The following KCNQ5 variants were observed in gnomAD, a reference collection of about 807,000 sequenced individuals.
KCNQ5 encodes potassium voltage-gated channel subfamily Q member 5.
A neutral mutation model predicts 98.2 loss-of-function variants in KCNQ5; 30 were observed. That is an observed-to-expected ratio of 0.31 (90% CI 0.23 to 0.41). The LOEUF (loss-of-function observed/expected upper bound fraction) is 0.41, where lower values mean the gene tolerates loss of function less well. KCNQ5 is among the 10% of genes least tolerant of loss of function. The pLI, the probability that KCNQ5 is intolerant of heterozygous loss-of-function variation, is 1.00. For missense variants in KCNQ5, 835 were observed against 1,182.5 expected (o/e 0.71, Z 4.31); for synonymous variants, 458 against 449.4 (o/e 1.02, Z -0.24).
chr6:73,190,870 A>AT (rs1765567539), intron 12 of KCNQ5, among the ~76,000 whole-genome samples, 166 bp downstream of exon 12: 2 of 152,206 alleles, frequency 1.3e-5, no homozygotes, highest in Admixed American at 1.3e-4. Flanking sequence ...TTTAACATAG[A>AT]TATAACTCAG....
chr6:72,962,389 C>A (rs953786262), intron 1 of KCNQ5, among the ~76,000 whole-genome samples: 5 of 151,400 alleles, frequency 3.3e-5, no homozygotes, highest in African/African-American at 4.9e-5. Context: ...ACCCACTGAG[C>A]ACAACATACA....
intron 1 of KCNQ5, among the ~76,000 whole-genome samples, chr6:72,804,715 T>G (rs1774863710): frequency 6.6e-6 from 1 of 152,202 alleles, no homozygotes; most frequent in African/African-American, 2.4e-5. Flanking sequence ...TAGCTCTATT[T>G]GTAGTTTTTT....
At chr6:72,988,188 T>C (rs572769125) in intron 1 of KCNQ5, among the ~76,000 whole-genome samples, 15 of 152,352 alleles carry the variant, frequency 9.8e-5, no homozygotes, top group African/African-American at 3.4e-4. Flanking sequence ...CACATACTAG[T>C]GTTTTCCTTA....
intron 1 of KCNQ5, among the ~76,000 whole-genome samples, chr6:72,901,054 G>T (rs1779483097): frequency 6.6e-6 from 1 of 151,800 alleles, no homozygotes; most frequent in Non-Finnish European, 1.5e-5. Flanking sequence ...GTATACGTGT[G>T]CCATGTTGGT....
At chr6:73,094,121 T>C (rs1230617915) in intron 5 of KCNQ5, among the ~76,000 whole-genome samples, 1 of 152,214 alleles carries the variant, frequency 6.6e-6, no homozygotes, top group Admixed American at 6.5e-5. Flanking sequence ...GATTGTGATG[T>C]TTTCCTGTTG....
chr6:72,856,780 G>A (rs537957824), intron 1 of KCNQ5, among the ~76,000 whole-genome samples: 3 of 152,292 alleles, frequency 2.0e-5, no homozygotes, highest in East Asian at 1.9e-4. Context: ...GATCTAGACC[G>A]TTGCATTGTG....
intron 1 of KCNQ5, among the ~76,000 whole-genome samples, chr6:72,970,704 A>G (rs1045395916): frequency 6.6e-6 from 1 of 152,194 alleles, no homozygotes; most frequent in African/African-American, 2.4e-5. Flanking sequence ...CACATCTACA[A>G]CTATCTGATC....
chr6:72,774,121 G>A (rs1226390239), intron 1 of KCNQ5, among the ~76,000 whole-genome samples: 4 of 152,110 alleles, frequency 2.6e-5, no homozygotes, highest in African/African-American at 9.7e-5. Flanking sequence ...AATTCTAGAT[G>A]AATTGCAAAT....
At chr6:73,149,263 A>G (rs1193327626) in intron 10 of KCNQ5, among the ~76,000 whole-genome samples, 1 of 152,236 alleles carries the variant, frequency 6.6e-6, no homozygotes, top group African/African-American at 2.4e-5. Flanking sequence ...ATGCATCACA[A>G]GTAATAAGAG....
In KCNQ5 at chr6:72,852,660, T is replaced by TATATATATATATAA. The variant is rs1232591580; in HGVS notation, c.399-151247_399-151246insTATATATATATAAA. On this transcript the variant is annotated intron_variant, in intron 1 of 13. Coordinates refer to ENST00000370398, the MANE Select transcript of KCNQ5 (RefSeq NM_019842.4). The stretch of plus-strand genomic sequence containing the variant: ...GGGGAAATATATATATATATATATA[T>TATATATATATATAA]AAATGGCACTTAATGGTAAAGATGT... 4.4e-3 allele frequency among the ~76,000 whole-genome samples: 568 copies of TATATATATATATAA among 128,476 alleles called. 36 individuals carry two copies. The highest frequency in any genetic ancestry group is 0.016 in the East Asian group (77 of 4,686). The allele number at this position is 128,476 out of a possible 152,430, so 84.3% of individuals were successfully genotyped here. A position where few individuals can be genotyped will look rare whatever the true frequency, so the allele number is the denominator to read the frequency against.
chr6:72,805,857 T>G (rs1774926970), intron 1 of KCNQ5, among the ~76,000 whole-genome samples: 1 of 152,176 alleles, frequency 6.6e-6, no homozygotes, highest in Admixed American at 6.6e-5. Flanking sequence ...CAGTGTTTTA[T>G]AATTTTCATC....
intron 1 of KCNQ5, among the ~76,000 whole-genome samples, chr6:72,712,356 G>C (rs933480627): frequency 2.0e-5 from 3 of 152,200 alleles, no homozygotes; most frequent in Non-Finnish European, 4.4e-5. Context: ...AAGAAGGAAA[G>C]AGAATATACA....
In KCNQ5 at chr6:72,809,551, C is replaced by CA. The variant is rs5877335; in HGVS notation, c.398+186977dup. ...TGGGTGATGGAGTGAGACTCCGTCT[C>CA]AAAAAAAAAAAAATGACACCACATT... On this transcript the variant is annotated intron_variant, in intron 1 of 13. Transcript: ENST00000370398. 5.2e-3 allele frequency among the ~76,000 whole-genome samples: 682 copies of CA among 130,890 alleles called. 3 individuals carry two copies. Among genetic ancestry groups the CA allele is most frequent in the South Asian group, 6.2e-3 (25 of 4,062 alleles). 85.9% of individuals were successfully genotyped at this position (130,890 alleles called of 152,430 possible).
chr6:72,700,953 G>A lies in KCNQ5; in HGVS notation c.398+78366G>A, dbSNP rs966606365. ...ATCATCAGATACCCTGTAATTTTAA[G>A]AGCAATTCACATAGTTTTCACTCTT... On this transcript the variant is annotated intron_variant, in intron 1 of 13. Transcript: ENST00000370398. 2.0e-5 allele frequency among the ~76,000 whole-genome samples: 3 copies of A among 152,164 alleles called. No homozygotes were observed. In the South Asian group the frequency reaches 6.2e-4, roughly 32 times the overall value.
At position 72,828,594 on chromosome 6, in the gene KCNQ5, C is replaced by T. The variant is rs574898129; in HGVS notation, c.399-175314C>T. ...CTGTATCCTGCAACTTTACTGAATT[C>T]GTTTATCAGTACTAAGAGTTTTTTG... On this transcript the variant is annotated intron_variant, in intron 1 of 13. Coordinates refer to ENST00000370398, the MANE Select transcript of KCNQ5 (RefSeq NM_019842.4). Among the ~76,000 whole-genome samples the T allele has an allele frequency of 4.6e-5, 7 of 152,092 alleles. No individual in the cohort carries two copies. In the South Asian group the frequency reaches 6.2e-4, roughly 14 times the overall value.
chr6:73,071,196 A>G (rs1466014772), intron 3 of KCNQ5, among the ~76,000 whole-genome samples: 1 of 152,126 alleles, frequency 6.6e-6, no homozygotes. Flanking sequence ...TACTAGTACT[A>G]TTTTTATTAT....
intron 10 of KCNQ5, among the ~76,000 whole-genome samples, chr6:73,137,433 A>G (rs986579526): frequency 6.6e-6 from 1 of 152,220 alleles, no homozygotes; most frequent in Non-Finnish European, 1.5e-5. Flanking sequence ...TTTGACTGCT[A>G]TGATATGAAT....
chr6:72,642,684 G>A (rs1486620660), intron 1 of KCNQ5, among the ~76,000 whole-genome samples: 1 of 152,144 alleles, frequency 6.6e-6, no homozygotes, highest in African/African-American at 2.4e-5. Context: ...TGCAATCATT[G>A]TGGAAAGCAG....
intron 1 of KCNQ5, among the ~76,000 whole-genome samples, chr6:72,790,904 G>GTTTT (rs548041097): frequency 8.5e-4 from 130 of 152,236 alleles, no homozygotes; most frequent in African/African-American, 3.0e-3. Context: ...GTTTTTGTTT[G>GTTTT]TTTGTTGTTT....
Sources: gnomAD v4.1 joint callset for allele counts (sites outside exome capture counted in the v4.1 genomes callset) on GRCh38, gnomAD v4.1.1 for gene constraint, MANE v1.5 for transcripts, NCBI Gene and HGNC (gene_info 2026-07-23, HGNC 2026-07-21) for gene names.